ARL15: variants seen among roughly 807,000 people sequenced by gnomAD.
ARL15 encodes the protein ARF like GTPase 15, also known as ADP-ribosylation factor-like protein 15.
A neutral mutation model predicts 25.2 loss-of-function variants in ARL15; 19 were observed. That is an observed-to-expected ratio of 0.75 (90% CI 0.53 to 1.10). ARL15 has a LOEUF of 1.10. Among genes scored for constraint, ARL15 ranks in the 50% least tolerant of loss-of-function variants. ARL15 has a pLI of 0.00. For synonymous variants in ARL15, 94 were observed against 86.8 expected, an observed-to-expected ratio of 1.08 and a Z score of -0.46; for missense variants, 220 against 246.0, an observed-to-expected ratio of 0.89 and a Z score of 0.71.
chr5:54,289,246 T>C (rs960214458), intron 1 of ARL15, among the ~76,000 whole-genome samples: 2 of 152,088 alleles, frequency 1.3e-5, no homozygotes, highest in East Asian at 1.9e-4. Flanking sequence ...CCATGTCCCA[T>C]GCTGGGGACG....
At chr5:54,272,256 C>A (rs10077344) in intron 1 of ARL15, among the ~76,000 whole-genome samples, 99,303 of 151,156 alleles carry the variant, frequency 0.66, 33,733 homozygotes, top group Non-Finnish European at 0.75. Context: ...TCCAACCTTA[C>A]AGTTTGAAAC....
At chr5:54,076,342 A>C (rs918057610) in intron 4 of ARL15, among the ~76,000 whole-genome samples, 1 of 151,668 alleles carries the variant, frequency 6.6e-6, no homozygotes, top group Non-Finnish European at 1.5e-5. Flanking sequence ...AATGGCGTGA[A>C]CCCAGGAGGC....
At chr5:54,249,883 G>A (rs979774225) in intron 1 of ARL15, among the ~76,000 whole-genome samples, 9 of 152,180 alleles carry the variant, frequency 5.9e-5, no homozygotes, top group African/African-American at 2.2e-4. Context: ...AACCGAGTTA[G>A]AGTGGCTGTG....
intron 2 of ARL15, among the ~76,000 whole-genome samples, chr5:54,167,551 G>C (rs1754610253): frequency 6.6e-6 from 1 of 152,030 alleles, no homozygotes; most frequent in African/African-American, 2.4e-5. Flanking sequence ...TCTTCTTTTA[G>C]ATGGGAGAGT....
chr5:53,981,559 A>T (rs1358256466), intron 4 of ARL15, among the ~76,000 whole-genome samples: 1 of 152,194 alleles, frequency 6.6e-6, no homozygotes, highest in Non-Finnish European at 1.5e-5. Context: ...TTCCTAATTT[A>T]AAAACTCGAA....
At chr5:54,219,157 C>G (rs917269573) in intron 1 of ARL15, among the ~76,000 whole-genome samples, 3 of 152,042 alleles carry the variant, frequency 2.0e-5, no homozygotes, top group Admixed American at 1.3e-4. Flanking sequence ...TAAAGAGATC[C>G]ACTTATTAAT....
At chr5:54,154,518 T>C in intron 3 of ARL15, 62 bp downstream of exon 3, 2 of 1,049,306 alleles carry the variant, frequency 1.9e-6, no homozygotes, top group Non-Finnish European at 2.8e-6. Flanking sequence ...TTACATATAA[T>C]ACATTATTAC....
At chr5:53,977,091 G>A (rs1747951335) in intron 4 of ARL15, among the ~76,000 whole-genome samples, 1 of 152,162 alleles carries the variant, frequency 6.6e-6, no homozygotes, top group Admixed American at 6.5e-5. Flanking sequence ...AGGTGCGGTG[G>A]CTCACGCCTG....
chr5:54,208,217 G>A (rs1339476222), intron 1 of ARL15, among the ~76,000 whole-genome samples: 1 of 152,056 alleles, frequency 6.6e-6, no homozygotes, highest in Non-Finnish European at 1.5e-5. Context: ...TCTCACTCTT[G>A]CACACAGAAC....
At chr5:54,112,562 A>G (rs1752772867) in intron 4 of ARL15, among the ~76,000 whole-genome samples, 1 of 152,204 alleles carries the variant, frequency 6.6e-6, no homozygotes, top group Admixed American at 6.5e-5. Context: ...AACTATTCAC[A>G]TATCTCATTA....
intron 4 of ARL15, among the ~76,000 whole-genome samples, chr5:53,949,137 A>C (rs1474366234): frequency 6.6e-6 from 1 of 152,206 alleles, no homozygotes; most frequent in Non-Finnish European, 1.5e-5. Flanking sequence ...CAGTTAGATA[A>C]ATAAGCCTCA....
intron 4 of ARL15, among the ~76,000 whole-genome samples, chr5:53,936,255 C>T (rs1305139947): frequency 3.9e-5 from 6 of 152,122 alleles, no homozygotes; most frequent in African/African-American, 1.2e-4. Flanking sequence ...TTTCACATTT[C>T]GTACTTTATG....
At chr5:54,041,803 C>T (rs1750349449) in intron 4 of ARL15, among the ~76,000 whole-genome samples, 1 of 152,142 alleles carries the variant, frequency 6.6e-6, no homozygotes, top group South Asian at 2.1e-4. Flanking sequence ...CCCAGGAACT[C>T]TGAATCAGGG....
At chr5:54,009,102 G>A (rs1176458667) in intron 4 of ARL15, among the ~76,000 whole-genome samples, 2 of 152,078 alleles carry the variant, frequency 1.3e-5, no homozygotes, top group African/African-American at 4.8e-5. Flanking sequence ...AAAACAAAAG[G>A]TGCTTCATAT....
chr5:54,193,627 C>T (rs768468005), intron 1 of ARL15, among the ~76,000 whole-genome samples: 1 of 151,966 alleles, frequency 6.6e-6, no homozygotes, highest in African/African-American at 2.4e-5. Context: ...CCACCCCAGT[C>T]GATAGAAAAA....
chr5:54,139,307 T>C (rs1376081574), intron 3 of ARL15, among the ~76,000 whole-genome samples: 3 of 152,130 alleles, frequency 2.0e-5, no homozygotes. Context: ...ATGTGGTACA[T>C]ACATACATGG....
At chr5:54,030,661 G>A (rs1025271234) in intron 4 of ARL15, among the ~76,000 whole-genome samples, 2 of 152,168 alleles carry the variant, frequency 1.3e-5, no homozygotes, top group Admixed American at 1.3e-4. Context: ...GAGAGAACCA[G>A]TGGGATAAAA....
intron 1 of ARL15, among the ~76,000 whole-genome samples, chr5:54,199,621 A>T (rs1346166472): frequency 6.6e-6 from 1 of 151,588 alleles, no homozygotes; most frequent in Non-Finnish European, 1.5e-5. Flanking sequence ...TTAGAATGGC[A>T]GTCATTAAAA....
chr5:53,887,257 C>A (rs1340250155), intron 4 of ARL15: 10 of 620,264 alleles, frequency 1.6e-5, no homozygotes, highest in Admixed American at 1.4e-4. Context: ...GACATGAGAG[C>A]GTGTTTTCTA....
Sources: allele counts gnomAD v4.1 joint callset (sites outside exome capture counted in the v4.1 genomes callset), GRCh38; gene constraint gnomAD v4.1.1; transcripts MANE v1.5; gene names NCBI Gene and HGNC (gene_info 2026-07-23, HGNC 2026-07-21).